The following GRM7 variants were observed in gnomAD, a reference collection of about 807,000 sequenced individuals.
The protein encoded by GRM7 is metabotropic glutamate receptor 7.
Under a neutral mutation model 84.5 loss-of-function variants are expected in GRM7, and 35 were observed. The ratio of observed to expected loss-of-function variants is 0.41; its 90% CI spans 0.32 to 0.55. GRM7 has a LOEUF of 0.55. Ranked by LOEUF, GRM7 falls within the 20% of genes least tolerant of loss-of-function variation. GRM7 has a pLI of 0.19. For missense variants in GRM7, 1,003 were observed against 1,194.6 expected, an observed-to-expected ratio of 0.84 and a Z score of 2.36; for synonymous variants, 487 against 455.1, an observed-to-expected ratio of 1.07 and a Z score of -0.89.
intron 4 of GRM7, among the ~76,000 whole-genome samples, chr3:7,409,243 G>A (rs1017813122): frequency 7.9e-5 from 12 of 151,964 alleles, no homozygotes; most frequent in African/African-American, 1.9e-4. Context: ...ATATTTTTCT[G>A]TATGAACTTT....
intron 2 of GRM7, among the ~76,000 whole-genome samples, chr3:7,246,861 A>G (rs1697780585): frequency 6.6e-6 from 1 of 152,162 alleles, no homozygotes; most frequent in African/African-American, 2.4e-5. Flanking sequence ...AGCCAAAACA[A>G]TATTGAAAAG....
chr3:7,228,407 G>A lies in GRM7; in HGVS notation c.737-70277G>A, dbSNP rs866266924. Among the ~76,000 whole-genome samples, 10 of 152,188 alleles carry A rather than the reference G, an allele frequency of 6.6e-5. No homozygotes were observed. In the Middle Eastern group the frequency reaches 0.01, roughly 155 times the overall value. On this transcript the variant is annotated intron_variant, in intron 2 of 9. Coordinates refer to ENST00000357716, the MANE Select transcript of GRM7 (RefSeq NM_000844.4). ...GAATAAAGGATTGGAAACAAAATCC[G>A]ATAAAACAGGTGGAGAAACAGGATT...
chr3:7,650,329 CG>C (rs1698874447), intron 8 of GRM7, among the ~76,000 whole-genome samples: 1 of 152,120 alleles, frequency 6.6e-6, no homozygotes, highest in Non-Finnish European at 1.5e-5. Flanking sequence ...GATCTGAACC[CG>C]GGTGATAGTA....
chr3:7,240,243 C>A (rs1697507719), intron 2 of GRM7, among the ~76,000 whole-genome samples: 1 of 141,852 alleles, frequency 7.0e-6, no homozygotes, highest in African/African-American at 2.6e-5. Flanking sequence ...GTGGTGAAGT[C>A]TCTTGAAAAA....
chr3:7,720,603 T>C (rs1201553011), intron 9 of GRM7, among the ~76,000 whole-genome samples: 1 of 152,220 alleles, frequency 6.6e-6, no homozygotes, highest in Non-Finnish European at 1.5e-5. Context: ...GAGTGCTCCC[T>C]GAGCACTTTA....
At chr3:6,885,074 A>C (rs758590241) in intron 1 of GRM7, among the ~76,000 whole-genome samples, 8 of 152,232 alleles carry the variant, frequency 5.3e-5, no homozygotes, top group Non-Finnish European at 8.8e-5. Context: ...TGAGCAGATG[A>C]GAATTTAAGT....
chr3:7,412,831 T>C (rs1248218297), intron 4 of GRM7, among the ~76,000 whole-genome samples: 1 of 152,180 alleles, frequency 6.6e-6, no homozygotes, highest in African/African-American at 2.4e-5. Context: ...AACATGACTC[T>C]GATTCTGTTT....
intron 7 of GRM7, among the ~76,000 whole-genome samples, chr3:7,463,873 C>A (rs76674450): frequency 6.6e-6 from 1 of 152,108 alleles, no homozygotes; most frequent in Non-Finnish European, 1.5e-5. Flanking sequence ...CTAAGAAGTA[C>A]TAAGCAAGGA....
chr3:7,122,726 A>G (rs1693266079), intron 1 of GRM7, among the ~76,000 whole-genome samples: 1 of 152,250 alleles, frequency 6.6e-6, no homozygotes. Context: ...AAATAGGAAA[A>G]GAACATTTTC....
At chr3:7,229,751 ATATATATATT>A (rs1697116457) in intron 2 of GRM7, among the ~76,000 whole-genome samples, 21 of 28,632 alleles carry the variant, frequency 7.3e-4, no homozygotes, top group Admixed American at 4.9e-4. Flanking sequence ...ATATATATAT[ATATATATATT>A]TTTTTTTTTT....
chr3:7,053,641 T>G (rs80346852), intron 1 of GRM7, among the ~76,000 whole-genome samples: 7,355 of 151,666 alleles, frequency 0.048, 346 homozygotes, highest in African/African-American at 0.12. Flanking sequence ...ATCCTTGTTT[T>G]GGTTGATTGC....
At chr3:6,979,084 C>T (rs1385048543) in intron 1 of GRM7, among the ~76,000 whole-genome samples, 1 of 152,082 alleles carries the variant, frequency 6.6e-6, no homozygotes, top group East Asian at 1.9e-4. Flanking sequence ...TGAAAAACCT[C>T]TTTCATTGAT....
intron 1 of GRM7, among the ~76,000 whole-genome samples, chr3:7,041,330 A>C (rs1257208661): frequency 6.6e-6 from 1 of 152,092 alleles, no homozygotes. Flanking sequence ...CCACTGATCC[A>C]TTTTCTGCTA....
intron 1 of GRM7, among the ~76,000 whole-genome samples, chr3:6,971,775 G>T (rs1311146074): frequency 6.6e-6 from 1 of 152,014 alleles, no homozygotes; most frequent in African/African-American, 2.4e-5. Flanking sequence ...TGTGGGTTAA[G>T]AAATTCCTTA....
chr3:7,491,434 T>G (rs780742945), intron 7 of GRM7, among the ~76,000 whole-genome samples: 9 of 145,356 alleles, frequency 6.2e-5, no homozygotes, highest in South Asian at 2.2e-4. Context: ...ATATATATAG[T>G]GAGATTATTA....
intron 6 of GRM7, among the ~76,000 whole-genome samples, chr3:7,453,304 T>G (rs761482492): frequency 6.6e-6 from 1 of 152,020 alleles, no homozygotes; most frequent in Non-Finnish European, 1.5e-5. Context: ...TCCTACATGA[T>G]CTATCTGGCA....
intron 4 of GRM7, among the ~76,000 whole-genome samples, chr3:7,386,024 C>A (rs762472575): frequency 6.6e-5 from 10 of 152,140 alleles, no homozygotes; most frequent in Non-Finnish European, 1.5e-4. Context: ...ATGTACTATA[C>A]TGTTTAGCAA....
chr3:7,550,575 CTCTGTGTGTGTGTGTG>C (rs1260219282), intron 7 of GRM7, among the ~76,000 whole-genome samples: 1 of 40,606 alleles, frequency 2.5e-5, no homozygotes, highest in African/African-American at 6.0e-5. Context: ...CTCTCTCTCT[CTCTGTGTGTGTGTGTG>C]TGTGTGTGTG....
At chr3:6,878,311 A>G (rs528003203) in intron 1 of GRM7, among the ~76,000 whole-genome samples, 58 of 152,098 alleles carry the variant, frequency 3.8e-4, no homozygotes, top group Non-Finnish European at 3.8e-4. Flanking sequence ...CAAAATTATC[A>G]AAACTAAATA....
Sources: allele counts gnomAD v4.1 joint callset (sites outside exome capture counted in the v4.1 genomes callset), GRCh38; gene constraint gnomAD v4.1.1; transcripts MANE v1.5; gene names NCBI Gene and HGNC (gene_info 2026-07-23, HGNC 2026-07-21).